PLCE1: variants seen among roughly 807,000 people sequenced by gnomAD.
PLCE1 encodes phospholipase C epsilon 1.
In PLCE1, 119 loss-of-function variants were observed where a neutral mutation model predicts 242.8. That is an observed-to-expected ratio of 0.49 (90% CI 0.42 to 0.57). The LOEUF (loss-of-function observed/expected upper bound fraction) is 0.57. PLCE1 is among the 20% of genes least tolerant of loss of function. The pLI, the probability that PLCE1 is intolerant of heterozygous loss-of-function variation, is 0.00. For missense variants in PLCE1, 2,441 were observed against 2,788.8 expected (o/e 0.88, Z 2.81); for synonymous variants, 945 against 1,017.4 (o/e 0.93, Z 1.35).
At chr10:94,322,882 G>A (rs772360317) in intron 30 of PLCE1, among the ~76,000 whole-genome samples, 3 of 152,142 alleles carry the variant, frequency 2.0e-5, no homozygotes, top group Non-Finnish European at 4.4e-5. Context: ...CTTGAGCCTG[G>A]GAGGCAGAGG....
At chr10:94,270,179 G>A (rs1392463991) in intron 17 of PLCE1, among the ~76,000 whole-genome samples, 5 of 152,060 alleles carry the variant, frequency 3.3e-5, no homozygotes, top group African/African-American at 1.2e-4. Flanking sequence ...GCTATAACTA[G>A]GACAGTGTCT....
chr10:94,192,691 T>C (rs1320572327), intron 4 of PLCE1, among the ~76,000 whole-genome samples: 1 of 152,208 alleles, frequency 6.6e-6, no homozygotes, highest in East Asian at 1.9e-4. Context: ...TTTGGGTATA[T>C]ACCCAGCAAT....
intron 4 of PLCE1, among the ~76,000 whole-genome samples, chr10:94,179,528 T>TA (rs1351770909): frequency 1.2e-5 from 1 of 81,112 alleles, no homozygotes; most frequent in Non-Finnish European, 2.6e-5. Flanking sequence ...TTTTTTTTTT[T>TA]TTGACAGGGT....
Position 94,217,525 on chromosome 10 carries a change from C to T in PLCE1, c.1810-9781C>T, listed in dbSNP as rs144855432. On this transcript the variant is annotated intron_variant, in intron 4 of 32. Transcript: ENST00000371380. ...GAGACTCTGCATGAGATGAGGCTTA[C>T]TTCTGAACAGCATTTAATAATTGGC... is the stretch of plus-strand genomic sequence containing the variant. 1.5e-3 allele frequency among the ~76,000 whole-genome samples: 235 copies of T among 152,278 alleles called. 1 individual carries two copies. The highest frequency in any genetic ancestry group is 5.1e-3 in the African/African-American group (212 of 41,564).
At chr10:93,998,013 G>C (rs1056207286) in intron 1 of PLCE1, among the ~76,000 whole-genome samples, 14 of 152,250 alleles carry the variant, frequency 9.2e-5, no homozygotes, top group Admixed American at 9.2e-4. Flanking sequence ...GGGCCATTTG[G>C]TGGACTACCA....
At chr10:94,222,832 C>T (rs2049801130) in intron 4 of PLCE1, among the ~76,000 whole-genome samples, 1 of 152,200 alleles carries the variant, frequency 6.6e-6, no homozygotes, top group Non-Finnish European at 1.5e-5. Context: ...AAGGACTGAT[C>T]CAGATAAACA....
At chr10:94,007,699 C>CTTTTTTT (rs80098906) in intron 1 of PLCE1, among the ~76,000 whole-genome samples, 14 of 64,078 alleles carry the variant, frequency 2.2e-4, no homozygotes, top group Admixed American at 5.4e-4. Flanking sequence ...AGCCTACTTT[C>CTTTTTTT]TTTTTTTTTT....
chr10:94,156,653 A>G (rs1311059629), intron 3 of PLCE1, among the ~76,000 whole-genome samples: 2 of 152,158 alleles, frequency 1.3e-5, no homozygotes, highest in African/African-American at 4.8e-5. Context: ...TCACCTCAGC[A>G]TGATTAATTT....
chr10:94,031,256 A>G lies in PLCE1; in HGVS notation c.210A>G (p.Pro70=), dbSNP rs763177293. The change falls in exon 2 of 33, where the codon CCA becomes CCG. Residue 70 remains proline (P), a synonymous_variant. Transcript: ENST00000371380. ...AAGAACCTTCTGGAAGCAACTTGCC[A>G]AAGATTCTCTCAATAGCGAGGGAGA... ...LKEEPSGSNL[P]KILSIAREKI... is the part of the protein sequence containing the mutation. 1.2e-6 allele frequency: 2 copies of G among 1,613,902 alleles called. No individual in the cohort carries two copies. Among genetic ancestry groups the G allele is most frequent in the Non-Finnish European group, 1.7e-6 (2 of 1,179,864 alleles).
intron 7 of PLCE1, among the ~76,000 whole-genome samples, chr10:94,237,058 G>C (rs2050349387): frequency 6.6e-6 from 1 of 152,090 alleles, no homozygotes; most frequent in African/African-American, 2.4e-5. Context: ...GCAGTCAAAG[G>C]AAAGAGGAAA....
intron 2 of PLCE1, chr10:94,088,896 A>G (rs996075320): frequency 2.2e-6 from 1 of 458,738 alleles, no homozygotes; most frequent in Non-Finnish European, 3.8e-6. Context: ...CTAAAACGCA[A>G]GGACATTTTT....
At chr10:94,159,432 A>G (rs1160137182) in intron 3 of PLCE1, among the ~76,000 whole-genome samples, 1 of 151,788 alleles carries the variant, frequency 6.6e-6, no homozygotes, top group Non-Finnish European at 1.5e-5. Context: ...TGAATCTTCT[A>G]TAAGAAGAAA....
Position 94,306,323 on chromosome 10 carries a change from C to T in PLCE1, c.5623-104C>T. ...TATTCATCATTCACTTTGTCCATTC[C>T]AGTGTTCTTGGGATTCCTTTGCAGA... On this transcript the variant is annotated intron_variant, in intron 25 of 32. Transcript: ENST00000371380. This position sits in a 1 kb window ranked among gnomAD's most constrained non-coding sequence, Gnocchi z 5.7. 1.3e-6 allele frequency: 2 copies of T among 1,575,268 alleles called. No homozygotes were observed. Among genetic ancestry groups the T allele is most frequent in the South Asian group, 1.1e-5 (1 of 89,680 alleles).
intron 16 of PLCE1, among the ~76,000 whole-genome samples, chr10:94,267,386 C>T (rs1793831017): frequency 6.6e-6 from 1 of 152,132 alleles, no homozygotes; most frequent in Non-Finnish European, 1.5e-5. Context: ...TTGAATAAGG[C>T]ACAAGAACCC....
chr10:94,041,825 C>T (rs1161343613), intron 2 of PLCE1, among the ~76,000 whole-genome samples: 1 of 152,070 alleles, frequency 6.6e-6, no homozygotes, highest in Non-Finnish European at 1.5e-5. Context: ...CTAGTTCCTT[C>T]AAACCATTTG....
chr10:94,221,228 A>G (rs1367061467), intron 4 of PLCE1, among the ~76,000 whole-genome samples: 1 of 152,210 alleles, frequency 6.6e-6, no homozygotes, highest in African/African-American at 2.4e-5. Context: ...ACATTTGAAC[A>G]AACACCTAAA....
intron 2 of PLCE1, among the ~76,000 whole-genome samples, chr10:94,111,631 C>T (rs1449595320): frequency 6.7e-6 from 1 of 150,316 alleles, no homozygotes; most frequent in African/African-American, 2.4e-5. Context: ...TGTGAAGGGC[C>T]GTGGGTCTAG....
At chr10:94,183,699 A>G (rs768157736) in intron 4 of PLCE1, among the ~76,000 whole-genome samples, 3 of 152,188 alleles carry the variant, frequency 2.0e-5, no homozygotes, top group Non-Finnish European at 2.9e-5. Flanking sequence ...TCATGCTTCT[A>G]CAGGCTTTAC....
intron 4 of PLCE1, among the ~76,000 whole-genome samples, chr10:94,223,019 GAGCCTTCTGA>G (rs2049808263): frequency 6.6e-6 from 1 of 151,948 alleles, no homozygotes; most frequent in Non-Finnish European, 1.5e-5. Context: ...AGCCAGTGTG[GAGCCTTCTGA>G]AACCTGGGGT....
Sources: allele counts gnomAD v4.1 joint callset (sites outside exome capture counted in the v4.1 genomes callset), GRCh38; gene constraint gnomAD v4.1.1; non-coding constraint Gnocchi (gnomAD v3.1); transcripts MANE v1.5; gene names NCBI Gene and HGNC (gene_info 2026-07-23, HGNC 2026-07-21).